LTBP1: variants seen among roughly 807,000 people sequenced by gnomAD.
The protein encoded by LTBP1 is latent transforming growth factor beta binding protein 1.
A neutral mutation model predicts 207.6 loss-of-function variants in LTBP1; 129 were observed. The observed-to-expected ratio is 0.62, with a 90% CI of 0.54 to 0.72. The LOEUF is 0.72. Among genes scored for constraint, LTBP1 ranks in the 30% least tolerant of loss-of-function variants. The pLI is 0.00. For missense variants in LTBP1, 2,281 were observed against 2,217.2 expected, an observed-to-expected ratio of 1.03 and a Z score of -0.58; for synonymous variants, 963 against 833.7, an observed-to-expected ratio of 1.16 and a Z score of -2.67.
At chr2:33,331,848 G>C (rs1318946676) in intron 24 of LTBP1, among the ~76,000 whole-genome samples, 1 of 151,984 alleles carries the variant, frequency 6.6e-6, no homozygotes, top group Non-Finnish European at 1.5e-5. Context: ...GGTTTTATGT[G>C]TATTTTTTTG....
At chr2:33,018,959 T>A (rs138632464) in intron 2 of LTBP1, among the ~76,000 whole-genome samples, 115 of 152,276 alleles carry the variant, frequency 7.6e-4, no homozygotes, top group African/African-American at 2.7e-3. Context: ...AGAAAAATCA[T>A]TACTTGCTGT....
intron 3 of LTBP1, among the ~76,000 whole-genome samples, chr2:33,064,017 C>G (rs79976728): frequency 2.6e-4 from 39 of 152,106 alleles, no homozygotes; most frequent in African/African-American, 9.4e-4. Context: ...CCATGCCTGG[C>G]TAATTTTTGT....
At chr2:33,091,465 C>T (rs2079086276) in intron 3 of LTBP1, among the ~76,000 whole-genome samples, 1 of 152,150 alleles carries the variant, frequency 6.6e-6, no homozygotes, top group African/African-American at 2.4e-5. Context: ...AGTAGAAGAG[C>T]TGAGGTTCCT....
At chr2:33,381,652 T>C (rs1387460965) in intron 31 of LTBP1, among the ~76,000 whole-genome samples, 2 of 152,248 alleles carry the variant, frequency 1.3e-5, no homozygotes, top group Non-Finnish European at 2.9e-5. Flanking sequence ...CTGGTGGAGC[T>C]GAGCTCATCA....
chr2:33,351,740 C>A (rs1418750829), intron 26 of LTBP1, among the ~76,000 whole-genome samples: 1 of 152,132 alleles, frequency 6.6e-6, no homozygotes, highest in Non-Finnish European at 1.5e-5. Context: ...TTCATCTTTT[C>A]CCCCGTCTTT....
At chr2:33,343,063 C>G in intron 25 of LTBP1, 100 bp downstream of exon 25, 1 of 1,319,098 alleles carries the variant, frequency 7.6e-7, no homozygotes, top group South Asian at 1.6e-5. Context: ...TTGGGTAGAG[C>G]TTTATCGTAA....
At chr2:33,251,590 G>A (rs999395282) in intron 10 of LTBP1, among the ~76,000 whole-genome samples, 20 of 150,974 alleles carry the variant, frequency 1.3e-4, no homozygotes, top group African/African-American at 3.7e-4. Context: ...GCGTGAACCC[G>A]GGAGGTGGAG....
chr2:33,158,164 A>AAGAG (rs760849981), intron 5 of LTBP1, among the ~76,000 whole-genome samples: 25 of 102,880 alleles, frequency 2.4e-4, no homozygotes, highest in South Asian at 1.4e-3. Flanking sequence ...AAAAAAAAAA[A>AAGAG]AGAGAGAGAG....
intron 31 of LTBP1, among the ~76,000 whole-genome samples, chr2:33,378,482 T>G (rs540195773): frequency 1.3e-5 from 2 of 152,242 alleles, no homozygotes; most frequent in Non-Finnish European, 2.9e-5. Flanking sequence ...TCCACCCGCC[T>G]CAGCCTCCCA....
chr2:33,397,674 ATTTTTTTT>A (rs71409616), intron 33 of LTBP1, among the ~76,000 whole-genome samples: 1 of 117,498 alleles, frequency 8.5e-6, no homozygotes, highest in African/African-American at 3.2e-5. Context: ...CACCCGGCTA[ATTTTTTTT>A]TTTTTTTTTT....
chr2:33,247,609 T>C (rs2092553559), intron 10 of LTBP1, among the ~76,000 whole-genome samples: 1 of 152,220 alleles, frequency 6.6e-6, no homozygotes, highest in African/African-American at 2.4e-5. Context: ...AAAATACTTA[T>C]TATCTGATGC....
intron 3 of LTBP1, among the ~76,000 whole-genome samples, chr2:33,053,614 T>C (rs1390476251): frequency 6.6e-6 from 1 of 152,006 alleles, no homozygotes; most frequent in Non-Finnish European, 1.5e-5. Context: ...CGGGGATCCA[T>C]AGTCGGCAAA....
intron 3 of LTBP1, among the ~76,000 whole-genome samples, chr2:33,055,681 T>G (rs2076961400): frequency 6.6e-6 from 1 of 152,224 alleles, no homozygotes; most frequent in African/African-American, 2.4e-5. Flanking sequence ...GTCAAAGGTT[T>G]GCCCTAGACC....
intron 26 of LTBP1, among the ~76,000 whole-genome samples, chr2:33,348,779 A>G (rs1433223929): frequency 6.6e-6 from 1 of 152,242 alleles, no homozygotes; most frequent in Non-Finnish European, 1.5e-5. Flanking sequence ...AATACAGGAT[A>G]TTCCAATGAT....
chr2:33,378,831 G>C (rs901750751), intron 31 of LTBP1, among the ~76,000 whole-genome samples: 1 of 152,160 alleles, frequency 6.6e-6, no homozygotes, highest in African/African-American at 2.4e-5. Flanking sequence ...GGCAGAGGAG[G>C]GATGAAGTAA....
rs1041940011 is a variant in LTBP1 at position 33,399,122 on chromosome 2, T to G, written c.*577T>G. The G allele has an allele frequency of 6.5e-6, 1 of 152,686 alleles. No homozygotes were observed. Among genetic ancestry groups the G allele is most frequent in the African/African-American group, 2.4e-5 (1 of 41,470 alleles). 9.5% of individuals were successfully genotyped at this position (152,686 alleles called of 1,614,324 possible). A position where few individuals can be genotyped will look rare whatever the true frequency, so the allele number is the denominator to read the frequency against. On this transcript the variant is annotated 3_prime_UTR_variant, in exon 34 of 34. Transcript: ENST00000404816. ...AGTGATTTTGTTCCAAAACTTTGTATACACATTTGGAGAAAAGTACTTTAT... is the reference window on the plus strand; with the variant it reads ...AGTGATTTTGTTCCAAAACTTTGTAGACACATTTGGAGAAAAGTACTTTAT...
At chr2:33,238,986 T>C (rs1484709148) in intron 9 of LTBP1, among the ~76,000 whole-genome samples, 1 of 152,224 alleles carries the variant, frequency 6.6e-6, no homozygotes, top group Non-Finnish European at 1.5e-5. Flanking sequence ...ATTCTTCTAC[T>C]ACCTGGTTAA....
chr2:33,228,712 T>TTTTTTTTTTTTTTTTTTTTTTTTTTG, intron 9 of LTBP1, among the ~76,000 whole-genome samples: 1 of 136,728 alleles, frequency 7.3e-6, no homozygotes, highest in African/African-American at 2.7e-5. Flanking sequence ...TTTTTTTTTT[T>TTTTTTTTTTTTTTTTTTTTTTTTTTG]TTTTTTGAGA....
chr2:33,022,265 CTT>C (rs3047211), intron 3 of LTBP1, among the ~76,000 whole-genome samples: 2 of 125,236 alleles, frequency 1.6e-5, no homozygotes, highest in Non-Finnish European at 3.3e-5. Context: ...CCTCAATCCT[CTT>C]TTTTTTTTTT....
Sources: gnomAD v4.1 joint callset for allele counts (sites outside exome capture counted in the v4.1 genomes callset) on GRCh38, gnomAD v4.1.1 for gene constraint, MANE v1.5 for transcripts, NCBI Gene and HGNC (gene_info 2026-07-23, HGNC 2026-07-21) for gene names.